Variants in OR51B5 observed in about 807,000 individuals in gnomAD.
OR51B5 encodes the protein olfactory receptor 51B5.
For missense variants in OR51B5, 456 were observed against 374.6 expected (o/e 1.22, Z -1.79); for synonymous variants, 186 against 144.8 (o/e 1.28, Z -2.04).
intron 1 of OR51B5, chr11:5,489,574 G>C (rs1851551871): frequency 6.2e-7 from 1 of 1,613,900 alleles, no homozygotes; most frequent in Non-Finnish European, 8.5e-7. Context: ...GGTGCCTCCT[G>C]TACTCAATCC....
intron 1 of OR51B5, among the ~76,000 whole-genome samples, chr11:5,505,137 T>C (rs1846353277): frequency 6.6e-6 from 1 of 152,222 alleles, no homozygotes; most frequent in African/African-American, 2.4e-5. Context: ...TTGTTTTTGC[T>C]TTTTTCCTCA....
At chr11:5,451,114 G>T (rs375009952) in intron 1 of OR51B5, among the ~76,000 whole-genome samples, 1 of 152,166 alleles carries the variant, frequency 6.6e-6, no homozygotes, top group Non-Finnish European at 1.5e-5. Context: ...TATCACATGC[G>T]TTCAATAAGT....
intron 1 of OR51B5, among the ~76,000 whole-genome samples, chr11:5,472,606 A>G (rs1215526367): frequency 6.6e-6 from 1 of 152,182 alleles, no homozygotes; most frequent in East Asian, 1.9e-4. Context: ...ATCTTGAGTG[A>G]AGGACTCCTC....
chr11:5,489,189 C>T (rs748932033), intron 1 of OR51B5: 32 of 1,612,208 alleles, frequency 2.0e-5, no homozygotes, highest in Non-Finnish European at 2.5e-5. Context: ...TTGTCTCCCC[C>T]TTCATCTTCT....
At chr11:5,424,710 G>C in intron 1 of OR51B5, among the ~76,000 whole-genome samples, 1 of 151,484 alleles carries the variant, frequency 6.6e-6, no homozygotes, top group East Asian at 1.9e-4. Context: ...GGCCTGGCGG[G>C]GTGGCTCACG....
At chr11:5,466,950 T>C (rs1231021409) in intron 1 of OR51B5, among the ~76,000 whole-genome samples, 3 of 152,240 alleles carry the variant, frequency 2.0e-5, no homozygotes, top group Admixed American at 6.5e-5. Context: ...TCCTCTACGA[T>C]CAGAGCCTTC....
At chr11:5,346,552 G>T (rs953838767), upstream of OR51B5, among the ~76,000 whole-genome samples, 1 of 151,910 alleles carries the variant, frequency 6.6e-6, no homozygotes, top group African/African-American at 2.4e-5. Flanking sequence ...AATAAGAGGT[G>T]CCTTCCTGTT....
chr11:5,465,459 T>G (rs1392408200), intron 1 of OR51B5, among the ~76,000 whole-genome samples: 4 of 152,020 alleles, frequency 2.6e-5, no homozygotes, highest in Non-Finnish European at 5.9e-5. Context: ...AAAAACTACT[T>G]TAAAGTTCAT....
chr11:5,460,694 T>C (rs1851037032), intron 1 of OR51B5, among the ~76,000 whole-genome samples: 1 of 152,254 alleles, frequency 6.6e-6, no homozygotes. Context: ...TGGTTCTTTC[T>C]CTGCGTTGGC....
At chr11:5,425,816 G>C (rs1256937235) in intron 1 of OR51B5, among the ~76,000 whole-genome samples, 1 of 152,074 alleles carries the variant, frequency 6.6e-6, no homozygotes, top group Non-Finnish European at 1.5e-5. Context: ...AATTTTTTGA[G>C]ATGTTAAATG....
chr11:5,377,050 A>C (rs1849539092), intron 1 of OR51B5, among the ~76,000 whole-genome samples: 1 of 152,192 alleles, frequency 6.6e-6, no homozygotes, highest in Admixed American at 6.5e-5. Context: ...ACATCGATGC[A>C]AAAATCCTCA....
chr11:5,476,187 C>T (rs1324397423), intron 1 of OR51B5, among the ~76,000 whole-genome samples: 3 of 152,144 alleles, frequency 2.0e-5, no homozygotes, highest in Admixed American at 6.6e-5. Context: ...ATAACTATTT[C>T]CCCCCAGTAA....
intron 1 of OR51B5, chr11:5,455,365 A>AAC (rs58304460): frequency 7.3e-5 from 11 of 150,532 alleles, no homozygotes; most frequent in East Asian, 3.9e-4. Context: ...AAAAAAAAAA[A>AAC]GCCTAGGATA....
chr11:5,433,398 G>C (rs1035347795), intron 1 of OR51B5, among the ~76,000 whole-genome samples: 2 of 152,100 alleles, frequency 1.3e-5, no homozygotes, highest in African/African-American at 4.8e-5. Flanking sequence ...GCTCATGACT[G>C]GTATAAAAAC....
intron 1 of OR51B5, among the ~76,000 whole-genome samples, chr11:5,412,934 G>C (rs963865786): frequency 2.6e-5 from 4 of 152,082 alleles, no homozygotes; most frequent in Non-Finnish European, 5.9e-5. Flanking sequence ...GCCTTGAAAA[G>C]AGCAGTGGTT....
At chr11:5,395,687 A>G (rs1462553237) in intron 1 of OR51B5, among the ~76,000 whole-genome samples, 1 of 152,196 alleles carries the variant, frequency 6.6e-6, no homozygotes. Flanking sequence ...TCTCGAAAAG[A>G]GGCAGGGCCC....
downstream of OR51B5, chr11:5,340,508 C>A (rs1397317961): frequency 1.3e-5 from 2 of 150,918 alleles, no homozygotes; most frequent in African/African-American, 2.4e-5. Context: ...TTGAAAAATT[C>A]TTTTTAAAAA....
intron 1 of OR51B5, among the ~76,000 whole-genome samples, chr11:5,423,914 G>C (rs1475665270): frequency 2.0e-5 from 3 of 151,946 alleles, no homozygotes; most frequent in East Asian, 3.9e-4. Flanking sequence ...TTCCGGACCA[G>C]AGCAGACTTT....
intron 1 of OR51B5, among the ~76,000 whole-genome samples, chr11:5,445,640 A>T (rs2133779861): frequency 6.6e-6 from 1 of 151,846 alleles, no homozygotes; most frequent in African/African-American, 2.4e-5. Flanking sequence ...ATGTACCTCC[A>T]AGCCCTATCT....
Sources: allele counts gnomAD v4.1 joint callset (sites outside exome capture counted in the v4.1 genomes callset), GRCh38; gene constraint gnomAD v4.1.1; transcripts MANE v1.5; gene names NCBI Gene and HGNC (gene_info 2026-07-23, HGNC 2026-07-21).